SGCZ: variants seen among roughly 807,000 people sequenced by gnomAD.
SGCZ encodes the protein sarcoglycan zeta.
Under a neutral mutation model 41.3 loss-of-function variants are expected in SGCZ, and 40 were observed. That is an observed-to-expected ratio of 0.97 (90% CI 0.75 to 1.26). The LOEUF is 1.26. Ranked by LOEUF, SGCZ falls within the 50% of genes most tolerant of loss-of-function variation. SGCZ has a pLI of 0.00. For synonymous variants in SGCZ, 206 were observed against 137.5 expected, an observed-to-expected ratio of 1.50 and a Z score of -3.49; for missense variants, 552 against 369.8, an observed-to-expected ratio of 1.49 and a Z score of -4.04.
At chr8:14,525,470 A>G (rs1050431538) in intron 2 of SGCZ, among the ~76,000 whole-genome samples, 15 of 152,134 alleles carry the variant, frequency 9.9e-5, no homozygotes, top group Admixed American at 6.6e-4. Flanking sequence ...CACTTTTAAT[A>G]TATCATTATT....
At chr8:14,666,684 CAAAAAA>C (rs34262206) in intron 1 of SGCZ, among the ~76,000 whole-genome samples, 2 of 107,440 alleles carry the variant, frequency 1.9e-5, no homozygotes, top group South Asian at 6.1e-4. Flanking sequence ...GTAGAATTTG[CAAAAAA>C]AAAAAAAAAA....
chr8:14,182,017 C>G (rs1804744256), intron 4 of SGCZ, among the ~76,000 whole-genome samples: 1 of 152,122 alleles, frequency 6.6e-6, no homozygotes, highest in Non-Finnish European at 1.5e-5. Flanking sequence ...ATATGTTTTA[C>G]TAGCAGGCAT....
At chr8:15,202,900 C>T (rs929975065) in intron 1 of SGCZ, among the ~76,000 whole-genome samples, 2 of 152,004 alleles carry the variant, frequency 1.3e-5, no homozygotes, top group Non-Finnish European at 2.9e-5. Flanking sequence ...CACCTGAGGT[C>T]GGGAGTTCAA....
At chr8:15,049,059 C>T (rs780949494) in intron 1 of SGCZ, among the ~76,000 whole-genome samples, 4 of 152,110 alleles carry the variant, frequency 2.6e-5, no homozygotes, top group Non-Finnish European at 4.4e-5. Context: ...TTAAGAGATA[C>T]CTAACAAATC....
chr8:14,936,532 G>C (rs1026416370), intron 1 of SGCZ, among the ~76,000 whole-genome samples: 1 of 151,754 alleles, frequency 6.6e-6, no homozygotes, highest in South Asian at 2.1e-4. Flanking sequence ...TGTCACTTTT[G>C]CACCACCATG....
chr8:14,460,492 C>G (rs1257148379), intron 2 of SGCZ, among the ~76,000 whole-genome samples: 1 of 152,036 alleles, frequency 6.6e-6, no homozygotes, highest in Non-Finnish European at 1.5e-5. Context: ...GGCAGTGGGA[C>G]GATTTGTGGT....
intron 3 of SGCZ, among the ~76,000 whole-genome samples, chr8:14,313,289 C>T (rs949019964): frequency 6.6e-6 from 1 of 152,076 alleles, no homozygotes; most frequent in Non-Finnish European, 1.5e-5. Context: ...ATAATTTTGT[C>T]TGCTACCCCA....
chr8:14,480,402 T>C (rs1046370872), intron 2 of SGCZ, among the ~76,000 whole-genome samples: 2 of 152,152 alleles, frequency 1.3e-5, no homozygotes, highest in Admixed American at 1.3e-4. Context: ...CTCATCCTTC[T>C]TTGCCAAATC....
chr8:14,102,285 C>G, intron 7 of SGCZ, 91 bp downstream of exon 7: 1 of 1,238,502 alleles, frequency 8.1e-7, no homozygotes, highest in Non-Finnish European at 1.0e-6. Context: ...GAAAGATATT[C>G]CTTCACAAGT....
At chr8:14,316,812 G>GACAC (rs55956388) in intron 3 of SGCZ, among the ~76,000 whole-genome samples, 2,917 of 142,442 alleles carry the variant, frequency 0.02, 38 homozygotes, top group African/African-American at 0.04. Flanking sequence ...ATTTATTATA[G>GACAC]ACACACACAC....
At chr8:14,576,407 G>A (rs1308003176) in intron 1 of SGCZ, among the ~76,000 whole-genome samples, 1 of 152,152 alleles carries the variant, frequency 6.6e-6, no homozygotes, top group African/African-American at 2.4e-5. Context: ...CCCAGGTTCT[G>A]AATAACAAGA....
chr8:14,090,482 G>A lies in SGCZ; in HGVS notation c.900C>T (p.Ser300=), dbSNP rs749017937. 8.1e-6 allele frequency: 13 copies of A among 1,612,900 alleles called. No individual in the cohort carries two copies. The East Asian group carries it at 2.0e-4, about 25-fold the overall frequency. The part of the protein sequence containing the change: ...KLYLSPAGVG[S]TCQSSSNICL... ...AGATGTTGCTACTGGACTGACAAGT[G>A]GAACCTACTCCTGCTGGAGAAAGGT... The change falls in exon 8 of 8, where the codon TCC becomes TCT. Residue 300 remains serine, a synonymous_variant. Coordinates refer to ENST00000382080, the MANE Select transcript of SGCZ (RefSeq NM_139167.4).
chr8:14,564,828 T>C (rs1804310685), intron 1 of SGCZ, among the ~76,000 whole-genome samples: 1 of 152,130 alleles, frequency 6.6e-6, no homozygotes, highest in Non-Finnish European at 1.5e-5. Context: ...ATTGAAACAA[T>C]ACAGTAAAGC....
At chr8:15,053,106 TGTGTCTA>T (rs1341625678) in intron 1 of SGCZ, among the ~76,000 whole-genome samples, 1 of 152,006 alleles carries the variant, frequency 6.6e-6, no homozygotes, top group Admixed American at 6.6e-5. Context: ...ACCTTGTGAG[TGTGTCTA>T]GTTTGCAAAA....
rs553176597 is a variant in SGCZ, at chr8:14,463,731, A to G, written c.234+91001T>C. On this transcript the variant is annotated intron_variant, in intron 2 of 7. Coordinates refer to ENST00000382080, the MANE Select transcript of SGCZ (RefSeq NM_139167.4). The stretch of plus-strand genomic sequence containing the variant: ...TAAAAGTAAAAGCATTTAGTCTTCA[A>G]CCATTAAATTGATGTTTGCTGTTTT... Among the ~76,000 whole-genome samples the G allele has an allele frequency of 5.9e-5, 9 of 151,852 alleles. No homozygotes were observed. In the East Asian group the frequency reaches 1.7e-3, roughly 29 times the overall value.
At chr8:14,777,505 C>T (rs1268019082) in intron 1 of SGCZ, among the ~76,000 whole-genome samples, 1 of 152,112 alleles carries the variant, frequency 6.6e-6, no homozygotes, top group Non-Finnish European at 1.5e-5. Context: ...TTTGCCTTTT[C>T]TAGTTGAAGA....
intron 1 of SGCZ, among the ~76,000 whole-genome samples, chr8:14,621,535 TTTAA>T (rs1480615861): frequency 4.7e-5 from 7 of 149,836 alleles, no homozygotes; most frequent in Non-Finnish European, 1.0e-4. Context: ...AGAAAATAGG[TTTAA>T]TTGACTCCCA....
intron 1 of SGCZ, among the ~76,000 whole-genome samples, chr8:14,817,608 A>G (rs59473859): frequency 0.084 from 12,813 of 152,254 alleles, 989 homozygotes; most frequent in East Asian, 0.34. Context: ...CTACAGCACT[A>G]CAACTCTGGA....
At chr8:14,867,455 T>G (rs147770757) in intron 1 of SGCZ, among the ~76,000 whole-genome samples, 1 of 152,134 alleles carries the variant, frequency 6.6e-6, no homozygotes, top group African/African-American at 2.4e-5. Context: ...TATATTCCTT[T>G]GGGCATACGT....
Sources: gnomAD v4.1 joint callset for allele counts (sites outside exome capture counted in the v4.1 genomes callset) on GRCh38, gnomAD v4.1.1 for gene constraint, MANE v1.5 for transcripts, NCBI Gene and HGNC (gene_info 2026-07-23, HGNC 2026-07-21) for gene names.